Variants in THOC2 observed in about 807,000 individuals in gnomAD.
The protein encoded by THOC2 is THO complex 2.
In THOC2, 10 loss-of-function variants were observed where a neutral mutation model predicts 128.4. The ratio of observed to expected loss-of-function variants is 0.08; its 90% CI spans 0.05 to 0.13. The LOEUF (loss-of-function observed/expected upper bound fraction) is 0.13. THOC2 is among the 10% of genes least tolerant of loss of function. THOC2 has a pLI of 1.00. For synonymous variants in THOC2, 393 were observed against 396.9 expected, an observed-to-expected ratio of 0.99 and a Z score of 0.12; for missense variants, 535 against 1,155.7, an observed-to-expected ratio of 0.46 and a Z score of 7.79.
intron 2 of THOC2, among the ~76,000 whole-genome samples, chrX:123,707,407 A>G (rs1391518630): frequency 8.9e-6 from 1 of 112,164 alleles, no homozygotes; most frequent in Admixed American, 9.5e-5. Flanking sequence ...GTGACAACAG[A>G]TAAAGAATAG....
chrX:123,697,599 C>T (rs2050497368), intron 5 of THOC2, 82 bp downstream of exon 5: 1 of 516,269 alleles, frequency 1.9e-6, no homozygotes, highest in East Asian at 3.9e-5. Flanking sequence ...ATGTCAATAT[C>T]CTCCTTCATT....
At chrX:123,681,197 A>G (rs2049763043) in intron 8 of THOC2, among the ~76,000 whole-genome samples, 1 of 111,945 alleles carries the variant, frequency 8.9e-6, no homozygotes, top group South Asian at 3.7e-4. Flanking sequence ...TAATAAATAT[A>G]TAGGGCATGA....
chrX:123,663,543 A>G (rs1228165314), intron 12 of THOC2, among the ~76,000 whole-genome samples: 1 of 109,895 alleles, frequency 9.1e-6, no homozygotes, highest in Non-Finnish European at 1.9e-5. Flanking sequence ...TTTTTTAAAA[A>G]AAAAAAGCAT....
chrX:123,653,597 G>C (rs182676632), intron 12 of THOC2, among the ~76,000 whole-genome samples: 216 of 110,858 alleles, frequency 1.9e-3, no homozygotes, highest in Middle Eastern at 4.7e-3. Context: ...ATCAAAAAGT[G>C]GGCGAATGAT....
At chrX:123,603,542 TG>T in intron 38 of THOC2, 1 of 883,151 alleles carries the variant, frequency 1.1e-6, no homozygotes, top group Non-Finnish European at 1.7e-6. Flanking sequence ...TGCCTGGAGG[TG>T]AAAATAATGT....
At chrX:123,629,194 A>G (rs1413001878) in intron 22 of THOC2, among the ~76,000 whole-genome samples, 1 of 85,117 alleles carries the variant, frequency 1.2e-5, no homozygotes, top group Non-Finnish European at 2.2e-5. Flanking sequence ...ATGAACATAT[A>G]TATTATACAT....
chrX:123,657,437 T>C (rs190680174), intron 12 of THOC2, among the ~76,000 whole-genome samples: 1,309 of 109,434 alleles, frequency 0.012, 21 homozygotes, highest in African/African-American at 0.041. Context: ...AATAAATAAA[T>C]AAACAAATAA....
chrX:123,603,312 C>T (rs2046353132), intron 38 of THOC2: 2 of 177,309 alleles, frequency 1.1e-5, no homozygotes, highest in Non-Finnish European at 2.1e-5. Context: ...AGCCAAAATC[C>T]TCAAGCAATA....
intron 7 of THOC2, among the ~76,000 whole-genome samples, chrX:123,695,571 T>C (rs1466010443): frequency 1.8e-5 from 2 of 112,245 alleles, no homozygotes; most frequent in Non-Finnish European, 3.8e-5. Context: ...ACATCTGTAG[T>C]TTCAAAAGTT....
At chrX:123,661,383 C>A (rs1429763696) in intron 12 of THOC2, among the ~76,000 whole-genome samples, 1 of 108,893 alleles carries the variant, frequency 9.2e-6, no homozygotes, top group Non-Finnish European at 1.9e-5. Context: ...CCAGCCTGGG[C>A]GACAAGAGCG....
At chrX:123,697,270 T>C (rs1231749984) in intron 5 of THOC2, among the ~76,000 whole-genome samples, 5 of 112,121 alleles carry the variant, frequency 4.5e-5, no homozygotes, top group Admixed American at 3.8e-4. Context: ...ACACAAATGG[T>C]TTACCAGACA....
intron 8 of THOC2, among the ~76,000 whole-genome samples, chrX:123,673,574 CATACTGTT>C (rs2049367224): frequency 8.9e-6 from 1 of 111,797 alleles, no homozygotes; most frequent in Admixed American, 9.5e-5. Flanking sequence ...CTCTCATCCA[CATACTGTT>C]ATGCACAATC....
chrX:123,635,126 T>C (rs765492809), intron 19 of THOC2, among the ~76,000 whole-genome samples: 89 of 111,125 alleles, frequency 8.0e-4, no homozygotes, highest in Non-Finnish European at 1.7e-4. Flanking sequence ...AAAGCCCTCA[T>C]GAAAACTAGT....
At chrX:123,722,959 A>G (rs2051770441) in intron 1 of THOC2, among the ~76,000 whole-genome samples, 1 of 111,679 alleles carries the variant, frequency 9.0e-6, no homozygotes, top group Admixed American at 9.5e-5. Context: ...CGGGCGGATC[A>G]TCGGAGGTCC....
intron 1 of THOC2, among the ~76,000 whole-genome samples, chrX:123,722,649 T>C (rs1445728833): frequency 9.1e-6 from 1 of 110,045 alleles, no homozygotes; most frequent in South Asian, 3.9e-4. Flanking sequence ...GACAGGTTGA[T>C]AGGTGCAGCA....
chrX:123,657,999 G>A (rs868774879), intron 12 of THOC2, among the ~76,000 whole-genome samples: 2 of 100,580 alleles, frequency 2.0e-5, no homozygotes, highest in South Asian at 8.4e-4. Context: ...GTGTGTGTGT[G>A]TGTGTGTATA....
In THOC2 at chrX:123,621,606, G is replaced by T; in HGVS notation, c.3786-19C>A. The T allele has an allele frequency of 9.8e-7, 1 of 1,022,637 alleles. No individual in the cohort carries two copies. Among genetic ancestry groups the T allele is most frequent in the Non-Finnish European group, 1.3e-6 (1 of 761,597 alleles). The allele number at this position is 1,022,637 out of a possible 1,213,427, so 84.3% of individuals were successfully genotyped here. ...TTTGTTGCTTAAGAATAAAAACATG[G>T]GATTTTAACACAAATAATCATAAAA... On this transcript the variant is annotated intron_variant, in intron 30 of 38. Coordinates refer to ENST00000245838, the MANE Select transcript of THOC2 (RefSeq NM_001081550.2).
chrX:123,655,153 T>C (rs953379493), intron 12 of THOC2, among the ~76,000 whole-genome samples: 3 of 111,943 alleles, frequency 2.7e-5, no homozygotes, highest in Non-Finnish European at 5.6e-5. Flanking sequence ...TATTTTCAAC[T>C]TCCTCCTTCT....
At position 123,684,728 on chromosome X, in the gene THOC2, C is replaced by T. The variant is rs780661279; in HGVS notation, c.768+1820G>A. On this transcript the variant is annotated intron_variant, in intron 8 of 38. Coordinates refer to ENST00000245838, the MANE Select transcript of THOC2 (RefSeq NM_001081550.2). Reference sequence around the variant, plus strand: ...TGAACAAAGGTATTATGCTCCTGCCCAAAAACCCTACCATGTCTCTTGTTT... The same window carrying T: ...TGAACAAAGGTATTATGCTCCTGCCTAAAAACCCTACCATGTCTCTTGTTT... Among the ~76,000 whole-genome samples the T allele has an allele frequency of 2.1e-3, 236 of 111,882 alleles. 3 individuals carry two copies. Among genetic ancestry groups the T allele is most frequent in the Middle Eastern group, 4.6e-3 (1 of 219 alleles).
Sources: allele counts gnomAD v4.1 joint callset (sites outside exome capture counted in the v4.1 genomes callset), GRCh38; gene constraint gnomAD v4.1.1; transcripts MANE v1.5; gene names NCBI Gene and HGNC (gene_info 2026-07-23, HGNC 2026-07-21).